CUL4A: variants seen among roughly 807,000 people sequenced by gnomAD.
The protein encoded by CUL4A is cullin-4A.
A neutral mutation model predicts 95.5 loss-of-function variants in CUL4A; 16 were observed. The ratio of observed to expected loss-of-function variants is 0.17; its 90% CI spans 0.11 to 0.25. The LOEUF is 0.25. Among genes scored for constraint, CUL4A ranks in the 10% least tolerant of loss-of-function variants. The pLI, the probability that CUL4A is intolerant of heterozygous loss-of-function variation, is 1.00. For missense variants in CUL4A, 610 were observed against 937.0 expected (o/e 0.65, Z 4.56); for synonymous variants, 380 against 353.1 (o/e 1.08, Z -0.85).
intron 2 of CUL4A, among the ~76,000 whole-genome samples, chr13:113,217,297 C>T (rs2040729615): frequency 6.6e-6 from 1 of 152,022 alleles, no homozygotes; most frequent in African/African-American, 2.4e-5. Flanking sequence ...GATCTTTGAC[C>T]AAATTATGAA....
In CUL4A at chr13:113,210,043, G is replaced by A. The variant is rs1595331148; in HGVS notation, c.219G>A (p.Val73=). 6.6e-7 allele frequency: 1 copy of A among 1,525,304 alleles called. No homozygotes were observed. The highest frequency in any genetic ancestry group is 8.8e-7 in the Non-Finnish European group (1 of 1,137,124). The allele number at this position is 1,525,304 out of a possible 1,614,324, so 94.5% of individuals were successfully genotyped here. Residue 73 remains valine, a synonymous_variant, in exon 2 of 20, where the codon GTG becomes GTA. Transcript: ENST00000375440. ...AGCTGCACGAGGCGGTGCGGGCCGT[G>A]CAGAGCAGCACCTCCATCAGGTACA... ...WRKLHEAVRA[V]QSSTSIRYNL... is the part of the protein sequence containing the mutation.
chr13:113,229,723 G>A (rs2041241445), intron 5 of CUL4A: 1 of 542,788 alleles, frequency 1.8e-6, no homozygotes, highest in Non-Finnish European at 3.2e-6. Flanking sequence ...GCAAGGAGTG[G>A]AGCAGGAAGC....
rs548930628 is a variant in CUL4A at position 113,254,306 on chromosome 13, G to T, written c.1753-387G>T. ...AAGGCCAAATTGCATTCACCCCTAC[G>T]TTACAGTCAGTCCCGTATAAAAGAA... On this transcript the variant is annotated intron_variant, in intron 16 of 19. Coordinates refer to ENST00000375440, the MANE Select transcript of CUL4A (RefSeq NM_001008895.4). Among the ~76,000 whole-genome samples the T allele has an allele frequency of 9.1e-4, 139 of 152,130 alleles. 1 individual carries two copies. Among genetic ancestry groups the T allele is most frequent in the Non-Finnish European group, 1.5e-3 (101 of 68,028 alleles).
chr13:113,245,068 G>T lies in CUL4A; in HGVS notation c.1444+9G>T, dbSNP rs1204094974. 6.2e-7 allele frequency: 1 copy of T among 1,612,382 alleles called. No homozygotes were observed. The highest frequency in any genetic ancestry group is 1.3e-5 in the African/African-American group (1 of 75,024). On this transcript the variant is annotated intron_variant, in intron 13 of 19. Transcript: ENST00000375440. Reference sequence around the variant, plus strand: ...GTCAAAGCTCAAGCATGGTAAGTATGTGGGGCCTGGGCTCCTCCCCTGTAA... The same window carrying T: ...GTCAAAGCTCAAGCATGGTAAGTATTTGGGGCCTGGGCTCCTCCCCTGTAA...
chr13:113,253,872 T>C (rs1378557233), intron 16 of CUL4A, among the ~76,000 whole-genome samples: 2 of 152,244 alleles, frequency 1.3e-5, no homozygotes, highest in Non-Finnish European at 2.9e-5. Context: ...ATAAAATTCC[T>C]ATTTTGTATA....
At chr13:113,234,042 T>A in intron 7 of CUL4A, 56 bp downstream of exon 7, 1 of 1,011,424 alleles carries the variant, frequency 9.9e-7, no homozygotes, top group Non-Finnish European at 1.5e-6. Context: ...GATGAGCACC[T>A]AGGAGGACTT....
intron 18 of CUL4A, among the ~76,000 whole-genome samples, chr13:113,258,994 T>C (rs916828855): frequency 6.6e-6 from 1 of 152,234 alleles, no homozygotes; most frequent in African/African-American, 2.4e-5. Flanking sequence ...GCTGATATCT[T>C]ATAAAGGGGA....
chr13:113,235,042 TTTAA>T lies in CUL4A; in HGVS notation c.766-18_766-15del, dbSNP rs756393089. Reference sequence around the variant, plus strand: ...CGACATTCTTTTTGTTACTGATACATTTAATTGTTTTGTTTGTAAGGTTCCAGAA... The same window carrying T: ...CGACATTCTTTTTGTTACTGATACATTTGTTTTGTTTGTAAGGTTCCAGAA... On this transcript the variant is annotated splice_polypyrimidine_tract_variant and intron_variant, in intron 7 of 19. Coordinates refer to ENST00000375440, the MANE Select transcript of CUL4A (RefSeq NM_001008895.4). 3.9e-6 allele frequency: 6 copies of T among 1,532,230 alleles called. No individual in the cohort carries two copies. Among genetic ancestry groups the T allele is most frequent in the Non-Finnish European group, 4.5e-6 (5 of 1,112,348 alleles). The allele number at this position is 1,532,230 out of a possible 1,614,324, so 94.9% of individuals were successfully genotyped here.
In CUL4A at chr13:113,253,094, C is replaced by A; in HGVS notation, c.1651C>A (p.Gln551Lys). 1.3e-6 allele frequency: 2 copies of A among 1,596,056 alleles called. No individual in the cohort carries two copies. Among genetic ancestry groups the A allele is most frequent in the Admixed American group, 1.7e-5 (1 of 58,824 alleles). ...CTATGCTTAACAGATGATTAAACTT[C>A]AGGAAGTATTTAAGGCATTTTATCT... ...VHLTPEMIKL[Q>K]EVFKAFYLGK... The change falls in exon 16 of 20, where the codon CAG becomes AAG. Residue 551 changes from glutamine to lysine, a missense_variant. Physicochemically the swap from Gln to Lys is moderately conservative, Grantham distance 53. This residue lies in a region of CUL4A where 44 missense variants were observed against 75.6 expected (regional missense o/e 0.58). Transcript: ENST00000375440.
intron 5 of CUL4A, chr13:113,230,021 C>T (rs766584061): frequency 3.8e-5 from 9 of 238,188 alleles, no homozygotes; most frequent in Non-Finnish European, 5.6e-5. Context: ...TTCGCGGCCA[C>T]GGACCCCACA....
At chr13:113,226,945 C>T (rs538495851) in intron 3 of CUL4A, among the ~76,000 whole-genome samples, 4 of 152,170 alleles carry the variant, frequency 2.6e-5, no homozygotes, top group Non-Finnish European at 5.9e-5. Flanking sequence ...AGTGTCTGCC[C>T]TTTGTGAAGT....
chr13:113,234,576 C>A (rs1193859157), intron 7 of CUL4A, among the ~76,000 whole-genome samples: 2 of 152,226 alleles, frequency 1.3e-5, no homozygotes, highest in Admixed American at 6.5e-5. Context: ...CCCAGCAGAG[C>A]CTCAGGCCTT....
Position 113,254,953 on chromosome 13 carries a change from A to G in CUL4A, c.1859A>G (p.Glu620Gly). The G allele has an allele frequency of 6.2e-7, 1 of 1,609,718 alleles. No homozygotes were observed. The highest frequency in any genetic ancestry group is 1.1e-5 in the South Asian group (1 of 90,250). Residue 620 changes from glutamate (E) to glycine (G), a missense_variant and splice_region_variant, in exon 18 of 20, where the codon GAG becomes GGG. Around this residue, in one of 10 missense-constraint regions of CUL4A, gnomAD observed 72 missense variants for 93.2 expected, o/e 0.77. Coordinates refer to ENST00000375440, the MANE Select transcript of CUL4A (RefSeq NM_001008895.4). ...FEEIKMATGI[E>G]DSELRRTLQS... ...TTGCCTGCATTTGCTTCCCATTCAG[A>G]GGATAGTGAATTGCGCAGAACGCTG...
At chr13:113,239,374 T>G in intron 9 of CUL4A, 59 bp from the exon 10 acceptor site, 1 of 1,395,476 alleles carries the variant, frequency 7.2e-7, no homozygotes, top group Non-Finnish European at 1.0e-6. Flanking sequence ...TGTATTCTAG[T>G]TGAGTTGTTG....
chr13:113,214,474 G>T (rs537759963), intron 2 of CUL4A, among the ~76,000 whole-genome samples: 124 of 152,030 alleles, frequency 8.2e-4, no homozygotes, highest in Non-Finnish European at 1.5e-3. Context: ...TTTAGAACTG[G>T]TTTTTTTGTT....
At chr13:113,261,362 G>A (rs538902084) in intron 19 of CUL4A, among the ~76,000 whole-genome samples, 2 of 152,274 alleles carry the variant, frequency 1.3e-5, no homozygotes, top group South Asian at 2.1e-4. Flanking sequence ...CCGGCCACAC[G>A]TGCTTTGGAG....
upstream of CUL4A, chr13:113,208,331 G>T: frequency 7.0e-7 from 1 of 1,432,874 alleles, no homozygotes; most frequent in South Asian, 1.5e-5. Context: ...CAGCGACCTG[G>T]GACCGCCGCG....
chr13:113,254,653 A>G (rs768230106), intron 16 of CUL4A, 40 bp from the exon 17 acceptor site: 3 of 1,340,076 alleles, frequency 2.2e-6, no homozygotes, highest in Non-Finnish European at 3.1e-6. Flanking sequence ...AAGATTGTAC[A>G]TGCACAGCTT....
chr13:113,254,455 G>C (rs746668648), intron 16 of CUL4A, among the ~76,000 whole-genome samples: 1 of 151,938 alleles, frequency 6.6e-6, no homozygotes, highest in Non-Finnish European at 1.5e-5. Flanking sequence ...AAAATTAGCC[G>C]GGCTTGGTAG....
Sources: allele counts gnomAD v4.1 joint callset (sites outside exome capture counted in the v4.1 genomes callset), GRCh38; gene constraint gnomAD v4.1.1; regional missense constraint gnomAD v4.1.1; transcripts MANE v1.5; gene names NCBI Gene and HGNC (gene_info 2026-07-23, HGNC 2026-07-21).